The following CDH12 variants were observed in gnomAD, a reference collection of about 807,000 sequenced individuals.
The protein encoded by CDH12 is cadherin 12, also known as cadherin-12.
In CDH12, 41 loss-of-function variants were observed where a neutral mutation model predicts 74.1. The observed-to-expected ratio is 0.55, with a 90% CI of 0.43 to 0.72. The LOEUF (loss-of-function observed/expected upper bound fraction) is 0.72, where lower values mean the gene tolerates loss of function less well. CDH12 is among the 30% of genes least tolerant of loss of function. The pLI, the probability that CDH12 is intolerant of heterozygous loss-of-function variation, is 0.00. For missense variants in CDH12, 945 were observed against 977.2 expected (o/e 0.97, Z 0.44); for synonymous variants, 399 against 355.0 (o/e 1.12, Z -1.39).
intron 1 of CDH12, among the ~76,000 whole-genome samples, chr5:22,843,922 C>T (rs1389962099): frequency 1.3e-5 from 2 of 151,918 alleles, no homozygotes; most frequent in African/African-American, 4.8e-5. Flanking sequence ...CAATGTCCAC[C>T]AGCCTTGTCT....
At chr5:21,767,801 T>C (rs1745109703) in intron 11 of CDH12, among the ~76,000 whole-genome samples, 1 of 151,690 alleles carries the variant, frequency 6.6e-6, no homozygotes, top group African/African-American at 2.4e-5. Flanking sequence ...CCTAATATTT[T>C]TAAGTGGCCA....
At chr5:21,760,494 C>T (rs1744655319) in intron 13 of CDH12, 64 bp downstream of exon 13, 2 of 792,722 alleles carry the variant, frequency 2.5e-6, no homozygotes, top group Admixed American at 2.1e-5. Context: ...GTATTGATTC[C>T]TCCCTTTGTG....
intron 1 of CDH12, among the ~76,000 whole-genome samples, chr5:22,558,101 A>G (rs1349034420): frequency 6.6e-6 from 1 of 152,092 alleles, no homozygotes; most frequent in Admixed American, 6.6e-5. Flanking sequence ...AGGAAAGAGA[A>G]AAAGATTAGT....
Position 21,906,354 on chromosome 5 carries a change from T to C in CDH12, c.527-51564A>G, listed in dbSNP as rs1352025768. 2.0e-5 allele frequency among the ~76,000 whole-genome samples: 3 copies of C among 152,318 alleles called. No homozygotes were observed. The East Asian group carries it at 5.8e-4, about 29-fold the overall frequency. On this transcript the variant is annotated intron_variant, in intron 6 of 14. Transcript: ENST00000382254. ...GAAATTTGCAATGTTCTAGATCTGA[T>C]ATACTGAGATTTGACACATACTTTA...
chr5:22,377,282 G>A (rs967198725), intron 3 of CDH12, among the ~76,000 whole-genome samples: 5 of 152,120 alleles, frequency 3.3e-5, no homozygotes, highest in East Asian at 1.9e-4. Flanking sequence ...TACAGTGTAC[G>A]TATTGGTTCA....
At chr5:22,288,539 C>A (rs968024402) in intron 3 of CDH12, among the ~76,000 whole-genome samples, 5 of 152,102 alleles carry the variant, frequency 3.3e-5, no homozygotes, top group Non-Finnish European at 7.4e-5. Flanking sequence ...TTAAAGTTAG[C>A]AATGACAGAT....
chr5:22,279,015 T>C (rs1337997556), intron 3 of CDH12, among the ~76,000 whole-genome samples: 2 of 152,158 alleles, frequency 1.3e-5, no homozygotes, highest in African/African-American at 4.8e-5. Context: ...TTATTTAAAA[T>C]AGCAGGCAAA....
intron 1 of CDH12, among the ~76,000 whole-genome samples, chr5:22,572,853 C>A (rs1739606776): frequency 1.3e-5 from 2 of 152,032 alleles, no homozygotes; most frequent in East Asian, 3.9e-4. Context: ...TAAAGGTTGC[C>A]CTCATTCATC....
intron 10 of CDH12, among the ~76,000 whole-genome samples, chr5:21,797,449 T>G (rs1746850087): frequency 6.6e-6 from 1 of 152,126 alleles, no homozygotes; most frequent in Admixed American, 6.6e-5. Context: ...CCATGTTTCC[T>G]TAGCTGACAC....
chr5:22,117,471 ATATATATTATATATATATT>A (rs1745202057), intron 4 of CDH12, among the ~76,000 whole-genome samples: 5 of 65,668 alleles, frequency 7.6e-5, no homozygotes, highest in African/African-American at 2.5e-4. Context: ...TATATATAAT[ATATATATTATATATATATT>A]ATATATATAT....
intron 3 of CDH12, among the ~76,000 whole-genome samples, chr5:22,326,526 C>T (rs930124474): frequency 4.6e-5 from 7 of 152,282 alleles, no homozygotes; most frequent in South Asian, 2.1e-4. Context: ...TGAGCCACCG[C>T]GCCCGGCCTC....
chr5:22,524,186 G>A (rs1737172211), intron 1 of CDH12, among the ~76,000 whole-genome samples: 1 of 151,940 alleles, frequency 6.6e-6, no homozygotes, highest in African/African-American at 2.4e-5. Flanking sequence ...GTTGCACCAT[G>A]TTGTTGCCCA....
chr5:22,728,601 T>C (rs1744278271), intron 1 of CDH12, among the ~76,000 whole-genome samples: 1 of 151,882 alleles, frequency 6.6e-6, no homozygotes, highest in Non-Finnish European at 1.5e-5. Flanking sequence ...GGGAAACCTT[T>C]GATACATTAT....
At chr5:22,246,389 C>A (rs1396771273) in intron 3 of CDH12, among the ~76,000 whole-genome samples, 2 of 152,040 alleles carry the variant, frequency 1.3e-5, no homozygotes, top group Admixed American at 6.6e-5. Flanking sequence ...ACAAAAATTT[C>A]AAATATCTTA....
chr5:22,009,701 G>A (rs535526573), intron 5 of CDH12, among the ~76,000 whole-genome samples: 12 of 151,936 alleles, frequency 7.9e-5, no homozygotes, highest in East Asian at 1.9e-4. Flanking sequence ...TAGTTGGCCC[G>A]GCGCGGTGAC....
intron 1 of CDH12, among the ~76,000 whole-genome samples, chr5:22,820,654 G>A (rs192318229): frequency 1.3e-5 from 2 of 152,032 alleles, no homozygotes; most frequent in Non-Finnish European, 2.9e-5. Flanking sequence ...TAAATTCCTC[G>A]ACACATACAT....
chr5:22,234,566 G>A (rs1289528884), intron 3 of CDH12, among the ~76,000 whole-genome samples: 1 of 150,922 alleles, frequency 6.6e-6, no homozygotes, highest in Non-Finnish European at 1.5e-5. Context: ...TGGGTATGTG[G>A]GGTTTTTTTT....
At chr5:22,332,302 T>G (rs1034635097) in intron 3 of CDH12, among the ~76,000 whole-genome samples, 3 of 152,138 alleles carry the variant, frequency 2.0e-5, no homozygotes, top group Admixed American at 2.0e-4. Context: ...CCAGTACACC[T>G]AGGCAGCAGA....
At chr5:22,260,174 T>C (rs945419574) in intron 3 of CDH12, among the ~76,000 whole-genome samples, 22 of 152,068 alleles carry the variant, frequency 1.4e-4, no homozygotes, top group African/African-American at 5.3e-4. Context: ...ATTTACTGTT[T>C]GAAATATGAA....
Sources: allele counts gnomAD v4.1 joint callset (sites outside exome capture counted in the v4.1 genomes callset), GRCh38; gene constraint gnomAD v4.1.1; transcripts MANE v1.5; gene names NCBI Gene and HGNC (gene_info 2026-07-23, HGNC 2026-07-21).